Variants in B4GALT5 observed in about 807,000 individuals in gnomAD.
B4GALT5 encodes the protein beta-1,4-galactosyltransferase 5.
B4GALT5 carries 11 observed loss-of-function variants against 45.0 expected under a neutral mutation model. That is an observed-to-expected ratio of 0.24 (90% CI 0.15 to 0.40). The LOEUF is 0.40. Ranked by LOEUF, B4GALT5 falls within the 10% of genes least tolerant of loss-of-function variation. B4GALT5 has a pLI of 1.00. For missense variants in B4GALT5, 337 were observed against 500.2 expected (o/e 0.67, Z 3.11); for synonymous variants, 185 against 182.9 (o/e 1.01, Z -0.09).
At chr20:49,647,559 C>T (rs1400091140) in intron 2 of B4GALT5, among the ~76,000 whole-genome samples, 1 of 152,198 alleles carries the variant, frequency 6.6e-6, no homozygotes, top group Non-Finnish European at 1.5e-5. Flanking sequence ...CCTTCCATTC[C>T]CCAGTCTCCC....
rs529748569 is a variant in B4GALT5, at chr20:49,702,332, A to G, written c.115+11244T>C. On this transcript the variant is annotated intron_variant, in intron 1 of 8. Transcript: ENST00000371711. Reference sequence around the variant, plus strand: ...ACATCAGTAGCTTATAAAGACCTTCATGGGCAGAAAAAGAATGGGCACACT... The same window carrying G: ...ACATCAGTAGCTTATAAAGACCTTCGTGGGCAGAAAAAGAATGGGCACACT... Among the ~76,000 whole-genome samples the G allele has an allele frequency of 1.4e-3, 214 of 152,342 alleles. 1 individual carries two copies. Among genetic ancestry groups the G allele is most frequent in the Admixed American group, 2.5e-3 (38 of 15,296 alleles).
At chr20:49,688,207 A>G (rs2085794891) in intron 1 of B4GALT5, among the ~76,000 whole-genome samples, 1 of 152,224 alleles carries the variant, frequency 6.6e-6, no homozygotes. Context: ...TTTTACCCTG[A>G]AGACATTTTA....
At chr20:49,706,149 C>A (rs1009406740) in intron 1 of B4GALT5, among the ~76,000 whole-genome samples, 2 of 149,894 alleles carry the variant, frequency 1.3e-5, no homozygotes, top group African/African-American at 4.9e-5. Flanking sequence ...GAGCCAAGAT[C>A]GCACCATAGA....
At chr20:49,650,297 T>A (rs555662802) in intron 2 of B4GALT5, among the ~76,000 whole-genome samples, 1 of 152,122 alleles carries the variant, frequency 6.6e-6, no homozygotes, top group Non-Finnish European at 1.5e-5. Context: ...TTACTCTACA[T>A]CTTGGGAGGG....
Position 49,652,528 on chromosome 20 carries a change from TAA to T in B4GALT5, c.250+4038_250+4039del, listed in dbSNP as rs1167467735. Among the ~76,000 whole-genome samples the T allele has an allele frequency of 4.0e-5, 6 of 150,946 alleles. No individual in the cohort carries two copies. The East Asian group carries it at 9.9e-4, about 25-fold the overall frequency. On this transcript the variant is annotated intron_variant, in intron 2 of 8. Transcript: ENST00000371711. ...CATCGAAGACTACAGACTGGACATC[TAA>T]AACCACCGAGAAAGAGGTGAAGATG...
intron 1 of B4GALT5, among the ~76,000 whole-genome samples, chr20:49,676,775 G>A (rs2085739282): frequency 2.0e-5 from 3 of 152,214 alleles, no homozygotes; most frequent in Non-Finnish European, 2.9e-5. Flanking sequence ...AGGGCGGGGG[G>A]CACAGAATAA....
chr20:49,665,612 C>G (rs923296514), intron 1 of B4GALT5, among the ~76,000 whole-genome samples: 2 of 150,700 alleles, frequency 1.3e-5, no homozygotes, highest in African/African-American at 4.9e-5. Flanking sequence ...TCATTATATA[C>G]ATAAGATGTT....
chr20:49,677,915 T>A (rs1426660380), intron 1 of B4GALT5, among the ~76,000 whole-genome samples: 1 of 152,156 alleles, frequency 6.6e-6, no homozygotes, highest in African/African-American at 2.4e-5. Flanking sequence ...CCAGCTAATT[T>A]TTGTATTTTT....
At chr20:49,701,342 A>G (rs190312817) in intron 1 of B4GALT5, among the ~76,000 whole-genome samples, 16 of 151,638 alleles carry the variant, frequency 1.1e-4, no homozygotes, top group African/African-American at 3.4e-4. Context: ...CTGATATCAG[A>G]AAAAAAAATA....
At chr20:49,704,633 G>C (rs2085876604) in intron 1 of B4GALT5, among the ~76,000 whole-genome samples, 1 of 150,748 alleles carries the variant, frequency 6.6e-6, no homozygotes, top group Non-Finnish European at 1.5e-5. Context: ...GCAGGAGAAT[G>C]GCGTGAACCC....
chr20:49,684,395 T>A (rs190855449), intron 1 of B4GALT5, among the ~76,000 whole-genome samples: 42 of 152,260 alleles, frequency 2.8e-4, no homozygotes, highest in African/African-American at 1.0e-3. Context: ...ACCCGGTCTC[T>A]ACTAAAGACA....
rs578146735 is a variant in B4GALT5, at chr20:49,660,590, C to T, written c.116-3888G>A. ...TCAAGCTTGCTAGAAGCAAAATCCC[C>T]TTAATCTTTTTAGAGATGCTAAATT... On this transcript the variant is annotated intron_variant, in intron 1 of 8. Coordinates refer to ENST00000371711, the MANE Select transcript of B4GALT5 (RefSeq NM_004776.4). Among the ~76,000 whole-genome samples the T allele has an allele frequency of 2.0e-5, 3 of 152,324 alleles. No individual in the cohort carries two copies. In the South Asian group the frequency reaches 6.2e-4, roughly 32 times the overall value.
In B4GALT5 at chr20:49,667,490, T is replaced by A. The variant is rs147952919; in HGVS notation, c.116-10788A>T. ...GGATGGTCTCGATCTCCTGACCTTG[T>A]GATCCACCCGCCTTGGCCTCCCAAA... On this transcript the variant is annotated intron_variant, in intron 1 of 8. Transcript: ENST00000371711. Among the ~76,000 whole-genome samples the A allele has an allele frequency of 2.0e-3, 297 of 152,140 alleles. 1 individual carries two copies. Among genetic ancestry groups the A allele is most frequent in the African/African-American group, 6.8e-3 (281 of 41,488 alleles).
At chr20:49,700,396 C>T (rs923504132) in intron 1 of B4GALT5, among the ~76,000 whole-genome samples, 1 of 152,218 alleles carries the variant, frequency 6.6e-6, no homozygotes, top group African/African-American at 2.4e-5. Flanking sequence ...ACTGCTGCCT[C>T]AAACTCCCAG....
At position 49,639,745 on chromosome 20, in the gene B4GALT5, G is replaced by A. The variant is rs202087682; in HGVS notation, c.850C>T (p.Arg284Trp). 4.3e-6 allele frequency: 7 copies of A among 1,613,704 alleles called. No individual in the cohort carries two copies. The highest frequency in any genetic ancestry group is 1.3e-5 in the African/African-American group (1 of 74,994). ...GCATTAGGAAAGCCATTGATTTTCC[G>A]AAATTGTTCCACTGTTAAGCCACTC... ...GVSGLTVEQF[R>W]KINGFPNAFW... Residue 284 changes from arginine to tryptophan, a missense_variant, in exon 7 of 9, where the codon CGG becomes TGG. By Grantham distance (101) the Arg-to-Trp change is moderately radical (BLOSUM62 -3). Coordinates refer to ENST00000371711, the MANE Select transcript of B4GALT5 (RefSeq NM_004776.4).
intron 1 of B4GALT5, among the ~76,000 whole-genome samples, chr20:49,669,342 G>A (rs1489114784): frequency 6.6e-6 from 1 of 152,138 alleles, no homozygotes; most frequent in African/African-American, 2.4e-5. Flanking sequence ...TAAGAGTACA[G>A]ACAGTCTTAT....
chr20:49,674,604 G>A (rs2085729962), intron 1 of B4GALT5, among the ~76,000 whole-genome samples: 1 of 151,666 alleles, frequency 6.6e-6, no homozygotes, highest in African/African-American at 2.4e-5. Flanking sequence ...GGGAGGCACA[G>A]GAGACCGAGG....
At chr20:49,688,320 G>T (rs1021814708) in intron 1 of B4GALT5, among the ~76,000 whole-genome samples, 21 of 152,124 alleles carry the variant, frequency 1.4e-4, no homozygotes, top group African/African-American at 5.1e-4. Flanking sequence ...AGAAGACAAA[G>T]ATTAAAGTTC....
At chr20:49,709,455 C>T (rs542718494) in intron 1 of B4GALT5, among the ~76,000 whole-genome samples, 1 of 152,238 alleles carries the variant, frequency 6.6e-6, no homozygotes, top group African/African-American at 2.4e-5. Flanking sequence ...ATATAAAACA[C>T]TACTTCCAAA....
Sources: gnomAD v4.1 joint callset for allele counts (sites outside exome capture counted in the v4.1 genomes callset) on GRCh38, gnomAD v4.1.1 for gene constraint, MANE v1.5 for transcripts, NCBI Gene and HGNC (gene_info 2026-07-23, HGNC 2026-07-21) for gene names.